CADPS2: variants seen among roughly 807,000 people sequenced by gnomAD.
CADPS2 encodes the protein calcium dependent secretion activator 2, also known as calcium-dependent secretion activator 2.
Under a neutral mutation model 172.5 loss-of-function variants are expected in CADPS2, and 93 were observed. That is an observed-to-expected ratio of 0.54 (90% confidence interval 0.46 to 0.64). The LOEUF is 0.64. CADPS2 is among the 30% of genes least tolerant of loss of function. The pLI, the probability that CADPS2 is intolerant of heterozygous loss-of-function variation, is 0.00. For missense variants in CADPS2, 1,420 were observed against 1,565.9 expected, an observed-to-expected ratio of 0.91 and a Z score of 1.57; for synonymous variants, 546 against 555.2, an observed-to-expected ratio of 0.98 and a Z score of 0.23.
intron 3 of CADPS2, among the ~76,000 whole-genome samples, chr7:122,636,527 G>A (rs1249272259): frequency 7.2e-5 from 10 of 139,194 alleles, no homozygotes; most frequent in African/African-American, 2.5e-4. Context: ...GTGCAATGGT[G>A]CAATCTTGGC....
Position 122,513,257 on chromosome 7 carries a change from G to C in CADPS2, c.1534C>G (p.Leu512Val). 6.4e-7 allele frequency: 1 copy of C among 1,559,034 alleles called. No homozygotes were observed. Among genetic ancestry groups the C allele is most frequent in the Non-Finnish European group, 8.7e-7 (1 of 1,149,796 alleles). Residue 512 changes from leucine (L) to valine (V), a missense_variant, in exon 9 of 30, where the codon CTA becomes GTA. Transcript: ENST00000449022. ...AGGAAAAAATGACTAACCTGAACTAGAACAAAGTAACGTTTTTTCCATCTT... is the reference window on the plus strand; with the variant it reads ...AGGAAAAAATGACTAACCTGAACTACAACAAAGTAACGTTTTTTCCATCTT... ...WKRWKKRYFV[L>V]VQVSQYTFAM...
intron 14 of CADPS2, among the ~76,000 whole-genome samples, chr7:122,461,862 G>A (rs985226126): frequency 6.6e-6 from 1 of 151,662 alleles, no homozygotes; most frequent in African/African-American, 2.4e-5. Context: ...CCAGAGTGCT[G>A]GGATTAAAGG....
chr7:122,592,962 G>A (rs183469172), intron 6 of CADPS2, among the ~76,000 whole-genome samples: 12 of 150,824 alleles, frequency 8.0e-5, no homozygotes, highest in Admixed American at 4.0e-4. Flanking sequence ...CGTTGTACAC[G>A]TGTACCCTAG....
chr7:122,623,290 G>T (rs1195860421), intron 4 of CADPS2, among the ~76,000 whole-genome samples: 1 of 151,964 alleles, frequency 6.6e-6, no homozygotes, highest in African/African-American at 2.4e-5. Flanking sequence ...TACAAGCAAA[G>T]AGAGGGGAAA....
chr7:122,839,081 A>C (rs1809529637), intron 1 of CADPS2, among the ~76,000 whole-genome samples: 1 of 152,182 alleles, frequency 6.6e-6, no homozygotes, highest in Non-Finnish European at 1.5e-5. Flanking sequence ...CAAAACAGAG[A>C]TATAGACCAA....
Position 122,551,958 on chromosome 7 carries a change from G to A in CADPS2, c.1475+2592C>T, listed in dbSNP as rs1052406140. 8.5e-5 allele frequency among the ~76,000 whole-genome samples: 13 copies of A among 152,202 alleles called. No individual in the cohort carries two copies. The South Asian group carries it at 1.5e-3, about 17-fold the overall frequency. On this transcript the variant is annotated intron_variant, in intron 8 of 29. Coordinates refer to ENST00000449022, the MANE Select transcript of CADPS2 (RefSeq NM_017954.11). ...TTGATGAAGTACCTCAGAAAAAGACGAATATAGCTATGCTGTAGGTGAAAT... is the reference window on the plus strand; with the variant it reads ...TTGATGAAGTACCTCAGAAAAAGACAAATATAGCTATGCTGTAGGTGAAAT...
intron 7 of CADPS2, among the ~76,000 whole-genome samples, chr7:122,567,020 T>C (rs1206802413): frequency 6.6e-6 from 1 of 152,164 alleles, no homozygotes; most frequent in Non-Finnish European, 1.5e-5. Flanking sequence ...TTTGCATCTT[T>C]GTGCCACAGT....
intron 11 of CADPS2, among the ~76,000 whole-genome samples, chr7:122,485,379 A>G (rs1302080496): frequency 1.3e-5 from 2 of 152,226 alleles, no homozygotes; most frequent in African/African-American, 4.8e-5. Flanking sequence ...GAACACACAA[A>G]TAATAAGAAA....
chr7:122,349,080 G>T (rs1327940719), intron 27 of CADPS2, among the ~76,000 whole-genome samples: 1 of 130,144 alleles, frequency 7.7e-6, no homozygotes, highest in Non-Finnish European at 1.7e-5. Flanking sequence ...GTACATTTTT[G>T]TGGGGTTTTT....
chr7:122,447,378 A>G (rs921054721), intron 15 of CADPS2, among the ~76,000 whole-genome samples: 2 of 151,680 alleles, frequency 1.3e-5, no homozygotes, highest in African/African-American at 2.4e-5. Flanking sequence ...ATATCTCAAC[A>G]TGTCAAAATA....
intron 2 of CADPS2, among the ~76,000 whole-genome samples, chr7:122,669,959 T>A (rs191967694): frequency 1.3e-4 from 19 of 151,868 alleles, no homozygotes; most frequent in African/African-American, 4.6e-4. Context: ...ACTCCTCACA[T>A]CCTCCACGTT....
At chr7:122,705,246 G>T (rs531791310) in intron 2 of CADPS2, among the ~76,000 whole-genome samples, 2 of 151,174 alleles carry the variant, frequency 1.3e-5, no homozygotes, top group Non-Finnish European at 2.9e-5. Flanking sequence ...TCCTGGAACC[G>T]CATGTGACTG....
At chr7:122,393,101 A>G (rs890647032) in intron 22 of CADPS2, 95 bp downstream of exon 22, 3 of 1,382,730 alleles carry the variant, frequency 2.2e-6, no homozygotes, top group African/African-American at 1.5e-5. Context: ...ACCAACGATG[A>G]CAAATGCCAT....
At chr7:122,712,700 A>C (rs1246537650) in intron 2 of CADPS2, among the ~76,000 whole-genome samples, 2 of 152,238 alleles carry the variant, frequency 1.3e-5, no homozygotes, top group East Asian at 3.9e-4. Context: ...GGTAGCTTAT[A>C]AGCAGTAGAA....
At chr7:122,528,523 G>A (rs28393630) in intron 8 of CADPS2, among the ~76,000 whole-genome samples, 3,654 of 152,078 alleles carry the variant, frequency 0.024, 174 homozygotes, top group African/African-American at 0.084. Flanking sequence ...CTTTATTTAG[G>A]GGAGAATGAA....
At chr7:122,523,803 C>T (rs1333660422) in intron 8 of CADPS2, among the ~76,000 whole-genome samples, 1 of 152,100 alleles carries the variant, frequency 6.6e-6, no homozygotes, top group African/African-American at 2.4e-5. Flanking sequence ...AATTAGTAGG[C>T]TTTCCAAGCT....
At chr7:122,830,021 TAA>T (rs11380726) in intron 1 of CADPS2, among the ~76,000 whole-genome samples, 1 of 147,810 alleles carries the variant, frequency 6.8e-6, no homozygotes, top group African/African-American at 2.5e-5. Context: ...AATATCATAT[TAA>T]AAAAAAAAAC....
At chr7:122,334,157 A>T (rs2035462324) in intron 28 of CADPS2, among the ~76,000 whole-genome samples, 1 of 152,214 alleles carries the variant, frequency 6.6e-6, no homozygotes, top group Non-Finnish European at 1.5e-5. Flanking sequence ...AAGAGAAAGT[A>T]CTATAAATTG....
At chr7:122,535,262 T>C (rs1586944357) in intron 8 of CADPS2, among the ~76,000 whole-genome samples, 1 of 152,122 alleles carries the variant, frequency 6.6e-6, no homozygotes, top group East Asian at 1.9e-4. Flanking sequence ...CATGGTCACT[T>C]ATTAGCTATA....
Sources: allele counts gnomAD v4.1 joint callset (sites outside exome capture counted in the v4.1 genomes callset), GRCh38; gene constraint gnomAD v4.1.1; transcripts MANE v1.5; gene names NCBI Gene and HGNC (gene_info 2026-07-23, HGNC 2026-07-21).